PRMT3: variants seen among roughly 807,000 people sequenced by gnomAD.
The protein encoded by PRMT3 is protein arginine N-methyltransferase 3.
A neutral mutation model predicts 71.9 loss-of-function variants in PRMT3; 62 were observed. The ratio of observed to expected loss-of-function variants is 0.86; its 90% confidence interval spans 0.70 to 1.07. The LOEUF (loss-of-function observed/expected upper bound fraction) is 1.07, where lower values mean the gene tolerates loss of function less well. PRMT3 is among the 50% of genes least tolerant of loss of function. The probability of loss-of-function intolerance (pLI) is 0.00; values close to 1 mark genes in which losing one functional copy is unlikely to be tolerated. For missense variants in PRMT3, 663 were observed against 643.0 expected (o/e 1.03, Z -0.34); for synonymous variants, 213 against 220.4 (o/e 0.97, Z 0.30).
At chr11:20,466,951 G>A (rs1401276995) in intron 13 of PRMT3, among the ~76,000 whole-genome samples, 4 of 152,096 alleles carry the variant, frequency 2.6e-5, no homozygotes, top group African/African-American at 9.7e-5. Context: ...CTTTTATTTA[G>A]ATTTGCATTT....
At chr11:20,488,876 A>G (rs911392751) in intron 13 of PRMT3, among the ~76,000 whole-genome samples, 4 of 152,166 alleles carry the variant, frequency 2.6e-5, no homozygotes, top group Non-Finnish European at 4.4e-5. Context: ...TAAACAAAAC[A>G]TGGCTTAAAA....
At chr11:20,394,632 G>C (rs1223173144) in intron 5 of PRMT3, among the ~76,000 whole-genome samples, 1 of 152,108 alleles carries the variant, frequency 6.6e-6, no homozygotes, top group Non-Finnish European at 1.5e-5. Flanking sequence ...TCTATTGTCT[G>C]CAAATTTCAA....
chr11:20,495,267 C>T (rs561052288), intron 15 of PRMT3, among the ~76,000 whole-genome samples: 6 of 152,280 alleles, frequency 3.9e-5, no homozygotes, highest in African/African-American at 1.4e-4. Context: ...CTGCCCATCT[C>T]GGCCTTCCAA....
intron 15 of PRMT3, among the ~76,000 whole-genome samples, chr11:20,497,749 A>T (rs1323959221): frequency 3.9e-5 from 6 of 152,236 alleles, no homozygotes; most frequent in Non-Finnish European, 8.8e-5. Context: ...TGTACCAAGG[A>T]GTTCTCAGTT....
intron 7 of PRMT3, among the ~76,000 whole-genome samples, chr11:20,400,059 T>C (rs1288126075): frequency 6.6e-6 from 1 of 152,230 alleles, no homozygotes; most frequent in Non-Finnish European, 1.5e-5. Flanking sequence ...CTTGGATGAA[T>C]GTGAAGCATG....
At chr11:20,466,756 A>G (rs1850522452) in intron 13 of PRMT3, among the ~76,000 whole-genome samples, 1 of 152,198 alleles carries the variant, frequency 6.6e-6, no homozygotes, top group African/African-American at 2.4e-5. Context: ...TATTCTGTAT[A>G]CTTAAAAGAG....
chr11:20,409,801 G>T (rs1849156492), intron 9 of PRMT3, among the ~76,000 whole-genome samples: 3 of 151,900 alleles, frequency 2.0e-5, no homozygotes, highest in Non-Finnish European at 4.4e-5. Flanking sequence ...CATTTTGGGG[G>T]TTCCATAGAG....
At chr11:20,460,607 G>A (rs1254062675) in intron 11 of PRMT3, among the ~76,000 whole-genome samples, 2 of 151,980 alleles carry the variant, frequency 1.3e-5, no homozygotes, top group East Asian at 3.8e-4. Flanking sequence ...CCAAATTTAT[G>A]TCTTCAACTT....
chr11:20,470,616 C>T (rs1307022714), intron 13 of PRMT3, among the ~76,000 whole-genome samples: 1 of 152,038 alleles, frequency 6.6e-6, no homozygotes, highest in African/African-American at 2.4e-5. Flanking sequence ...GTATATGTAC[C>T]ACATTTTCTT....
intron 13 of PRMT3, among the ~76,000 whole-genome samples, chr11:20,482,382 G>T (rs1850959022): frequency 6.7e-6 from 1 of 150,166 alleles, no homozygotes; most frequent in Non-Finnish European, 1.5e-5. Flanking sequence ...ATAGGTATAG[G>T]TTTATGCTTG....
At chr11:20,496,008 G>A (rs115188086) in intron 15 of PRMT3, among the ~76,000 whole-genome samples, 332 of 152,244 alleles carry the variant, frequency 2.2e-3, no homozygotes, top group African/African-American at 7.4e-3. Flanking sequence ...TAAAACTTTC[G>A]AGAACAGTTT....
intron 13 of PRMT3, among the ~76,000 whole-genome samples, chr11:20,465,841 A>G (rs891241558): frequency 1.3e-5 from 2 of 152,086 alleles, no homozygotes; most frequent in African/African-American, 4.8e-5. Context: ...ATTTTTGTCA[A>G]TTGAAATTAG....
chr11:20,478,040 T>C (rs1850838787), intron 13 of PRMT3, among the ~76,000 whole-genome samples: 1 of 152,214 alleles, frequency 6.6e-6, no homozygotes, highest in African/African-American at 2.4e-5. Context: ...GGCCCTAGCA[T>C]TGGGCAAACG....
chr11:20,448,748 T>G (rs566072648), intron 10 of PRMT3, among the ~76,000 whole-genome samples: 1 of 152,184 alleles, frequency 6.6e-6, no homozygotes, highest in Non-Finnish European at 1.5e-5. Context: ...CTTCAATGAA[T>G]GAAGTTAATA....
chr11:20,450,638 T>C (rs1325738261), intron 10 of PRMT3, among the ~76,000 whole-genome samples: 1 of 152,164 alleles, frequency 6.6e-6, no homozygotes, highest in East Asian at 1.9e-4. Context: ...TTTGTATCAA[T>C]GAATCAGTGA....
chr11:20,389,621 T>G, intron 2 of PRMT3, 123 bp from the exon 3 acceptor site: 1 of 579,580 alleles, frequency 1.7e-6, no homozygotes, highest in Non-Finnish European at 2.9e-6. Context: ...TGTTTTTTCT[T>G]AATTGGAAGT....
intron 13 of PRMT3, among the ~76,000 whole-genome samples, chr11:20,476,998 C>T (rs754167128): frequency 2.6e-5 from 4 of 152,178 alleles, no homozygotes; most frequent in East Asian, 1.9e-4. Flanking sequence ...AGCTAGCTAG[C>T]GGGAGGGGTC....
intron 10 of PRMT3, among the ~76,000 whole-genome samples, chr11:20,449,842 T>A (rs1463647590): frequency 6.6e-6 from 1 of 152,146 alleles, no homozygotes; most frequent in Admixed American, 6.6e-5. Flanking sequence ...TCCTACTATG[T>A]ACCAGACACA....
chr11:20,400,288 CTA>C (rs1848919849), intron 7 of PRMT3, among the ~76,000 whole-genome samples: 1 of 152,066 alleles, frequency 6.6e-6, no homozygotes, highest in Non-Finnish European at 1.5e-5. Context: ...TTCCATGACA[CTA>C]TTTTTGGTAC....
Sources: allele counts gnomAD v4.1 joint callset (sites outside exome capture counted in the v4.1 genomes callset), GRCh38; gene constraint gnomAD v4.1.1; transcripts MANE v1.5; gene names NCBI Gene and HGNC (gene_info 2026-07-23, HGNC 2026-07-21).